Variants in ASXL3 observed in about 807,000 individuals in gnomAD.
The protein encoded by ASXL3 is putative Polycomb group protein ASXL3.
A neutral mutation model predicts 170.6 loss-of-function variants in ASXL3; 34 were observed. The observed-to-expected ratio is 0.20, with a 90% CI of 0.15 to 0.27. ASXL3 has a LOEUF of 0.27. Ranked by LOEUF, ASXL3 falls within the 10% of genes least tolerant of loss-of-function variation. ASXL3 has a pLI of 1.00. For missense variants in ASXL3, 2,592 were observed against 2,695.3 expected, an observed-to-expected ratio of 0.96 and a Z score of 0.85; for synonymous variants, 1,002 against 989.1, an observed-to-expected ratio of 1.01 and a Z score of -0.24.
rs2067760872 is a variant in ASXL3 at position 33,745,348 on chromosome 18, A to C, written c.5500A>C (p.Thr1834Pro). The change falls in exon 12 of 12, where the codon ACT becomes CCT. Residue 1834 changes from threonine to proline, a missense_variant. Physicochemically the swap from Thr to Pro is conservative, Grantham distance 38. This residue lies in a region of ASXL3 where 2,246 missense variants were observed against 2,219.6 expected (regional missense o/e 1.01). Coordinates refer to ENST00000269197, the MANE Select transcript of ASXL3 (RefSeq NM_030632.3). ...ENHPKKRVAR[T>P]VGEHTQVKCE... ...CCACCCCAAAAAGAGAGTAGCTAGGACTGTAGGAGAACACACTCAAGTTAA... is the reference window on the plus strand; with the variant it reads ...CCACCCCAAAAAGAGAGTAGCTAGGCCTGTAGGAGAACACACTCAAGTTAA... 6.2e-7 allele frequency: 1 copy of C among 1,613,838 alleles called. No homozygotes were observed. The highest frequency in any genetic ancestry group is 8.5e-7 in the Non-Finnish European group (1 of 1,179,886).
chr18:33,626,408 T>C (rs1443292268), intron 2 of ASXL3, among the ~76,000 whole-genome samples: 1 of 152,064 alleles, frequency 6.6e-6, no homozygotes, highest in African/African-American at 2.4e-5. Flanking sequence ...AAGGTGATGG[T>C]AGTTAGACTT....
Position 33,745,423 on chromosome 18 carries a change from T to C in ASXL3, c.5575T>C (p.Cys1859Arg), listed in dbSNP as rs754530553. ...GGAGCCAGATGTTAAAGGGGTGCCTTGTGTCATCAGTTCCGGCATCAGTCA... is the reference window on the plus strand; with the variant it reads ...GGAGCCAGATGTTAAAGGGGTGCCTCGTGTCATCAGTTCCGGCATCAGTCA... ...LVEPDVKGVP[C>R]VISSGISQLG... is the part of the protein sequence containing the mutation. The change falls in exon 12 of 12, where the codon TGT becomes CGT. Residue 1859 changes from cysteine (C) to arginine (R), a missense_variant. Cys to Arg is a radical substitution (Grantham distance 180). Transcript: ENST00000269197. 6.2e-7 allele frequency: 1 copy of C among 1,613,928 alleles called. No individual in the cohort carries two copies. The highest frequency in any genetic ancestry group is 8.5e-7 in the Non-Finnish European group (1 of 1,179,868).
chr18:33,585,619 G>T lies in ASXL3; in HGVS notation c.54+6934G>T, dbSNP rs1026921836. 2.0e-5 allele frequency among the ~76,000 whole-genome samples: 3 copies of T among 152,148 alleles called. No individual in the cohort carries two copies. In the East Asian group the frequency reaches 5.8e-4, roughly 29 times the overall value. On this transcript the variant is annotated intron_variant, in intron 1 of 11. Coordinates refer to ENST00000269197, the MANE Select transcript of ASXL3 (RefSeq NM_030632.3). ...ATATAGCCCTCTGACACATTCTTAC[G>T]TAGTTTTAAGGCAAATTTATGCCCT...
At chr18:33,588,525 A>G (rs759406893) in intron 1 of ASXL3, among the ~76,000 whole-genome samples, 10 of 152,106 alleles carry the variant, frequency 6.6e-5, no homozygotes, top group Non-Finnish European at 1.5e-4. Flanking sequence ...CACTAATATC[A>G]TCAGTAATAG....
Position 33,743,381 on chromosome 18 carries a change from C to T in ASXL3, c.3533C>T (p.Thr1178Ile), listed in dbSNP as rs1280741618. 54 of 1,613,240 alleles carry T rather than the reference C, an allele frequency of 3.3e-5. No homozygotes were observed. The highest frequency in any genetic ancestry group is 5.3e-5 in the African/African-American group (4 of 74,916). The part of the protein sequence containing the change: ...PSNKSAHLRE[T>I]TTVLQQSLNP... ...AACAAGTCTGCCCACCTCCGGGAGA[C>T]CACCACTGTACTACAGCAGTCTCTT... The change falls in exon 12 of 12, where the codon ACC (threonine) becomes ATC (isoleucine). Residue 1178 changes from threonine to isoleucine, a missense_variant. By Grantham distance (89) the Thr-to-Ile change is moderately conservative. Transcript: ENST00000269197.
At chr18:33,588,750 A>C (rs538747779) in intron 1 of ASXL3, among the ~76,000 whole-genome samples, 83 of 152,220 alleles carry the variant, frequency 5.5e-4, no homozygotes, top group African/African-American at 2.0e-3. Flanking sequence ...TCCTGTAGTG[A>C]AATATCTCCA....
chr18:33,719,797 ACAGGCCCT>A (rs1370776680), intron 8 of ASXL3, among the ~76,000 whole-genome samples: 1 of 151,952 alleles, frequency 6.6e-6, no homozygotes, highest in Non-Finnish European at 1.5e-5. Context: ...GAACCAAGAA[ACAGGCCCT>A]CCCCAGACAC....
intron 9 of ASXL3, among the ~76,000 whole-genome samples, chr18:33,733,460 C>T (rs1392370246): frequency 6.6e-6 from 1 of 152,148 alleles, no homozygotes; most frequent in East Asian, 1.9e-4. Context: ...TTGTACTTGA[C>T]CCCTCTTCAG....
intron 7 of ASXL3, among the ~76,000 whole-genome samples, chr18:33,676,385 A>G (rs2066431286): frequency 6.6e-6 from 1 of 152,028 alleles, no homozygotes. Flanking sequence ...GTTATGTATG[A>G]AAACTATGAT....
intron 2 of ASXL3, among the ~76,000 whole-genome samples, chr18:33,642,444 C>T (rs758455701): frequency 2.0e-5 from 3 of 151,724 alleles, no homozygotes; most frequent in East Asian, 1.9e-4. Context: ...GAATGAAACT[C>T]GTGTGCTTAA....
chr18:33,713,341 A>ACCCG (rs1555736903), intron 8 of ASXL3, among the ~76,000 whole-genome samples: 1 of 56,056 alleles, frequency 1.8e-5, no homozygotes, highest in African/African-American at 7.3e-5. Context: ...TGCAACCTCC[A>ACCCG]CCCCCCCCCG....
At chr18:33,606,958 A>C (rs556439691) in intron 1 of ASXL3, among the ~76,000 whole-genome samples, 1 of 152,024 alleles carries the variant, frequency 6.6e-6, no homozygotes, top group Non-Finnish European at 1.5e-5. Context: ...ACAAAAGATA[A>C]GTAGGGCAGA....
In ASXL3 at chr18:33,746,411, T is replaced by C. The variant is rs767517432; in HGVS notation, c.6563T>C (p.Leu2188Ser). ...LGSGSNPATG[L>S]SGQNAQMPVQ... is the part of the protein sequence containing the mutation. ...AGTGGCTCCAATCCTGCCACAGGCTTGTCTGGTCAGAACGCTCAGATGCCC... is the reference window on the plus strand; with the variant it reads ...AGTGGCTCCAATCCTGCCACAGGCTCGTCTGGTCAGAACGCTCAGATGCCC... Residue 2188 changes from leucine (L) to serine (S), a missense_variant, in exon 12 of 12, where the codon TTG becomes TCG. By Grantham distance (145) the Leu-to-Ser change is moderately radical. Transcript: ENST00000269197. 1.7e-5 allele frequency: 27 copies of C among 1,613,960 alleles called. No homozygotes were observed. The highest frequency in any genetic ancestry group is 5.5e-5 in the South Asian group (5 of 91,080).
chr18:33,590,489 A>T (rs1467774013), intron 1 of ASXL3, among the ~76,000 whole-genome samples: 1 of 152,166 alleles, frequency 6.6e-6, no homozygotes, highest in Non-Finnish European at 1.5e-5. Context: ...AAAACAAATT[A>T]TAAATGACAT....
chr18:33,720,742 AT>A (rs1054095235), intron 8 of ASXL3, among the ~76,000 whole-genome samples: 2 of 151,898 alleles, frequency 1.3e-5, no homozygotes, highest in Non-Finnish European at 2.9e-5. Context: ...CAAAGGCTTT[AT>A]TTTTGCCTTT....
chr18:33,682,070 A>C (rs2066524141), intron 7 of ASXL3, among the ~76,000 whole-genome samples: 1 of 152,170 alleles, frequency 6.6e-6, no homozygotes, highest in African/African-American at 2.4e-5. Context: ...GTCTTTAGTT[A>C]TTTAAAACAA....
chr18:33,683,358 T>G (rs1373427408), intron 7 of ASXL3, 47 bp from the exon 8 acceptor site: 1 of 1,545,530 alleles, frequency 6.5e-7, no homozygotes, highest in Non-Finnish European at 8.8e-7. Context: ...ACGTACACGT[T>G]TCCCTCTACC....
intron 7 of ASXL3, among the ~76,000 whole-genome samples, chr18:33,681,450 A>G (rs2066513646): frequency 6.6e-6 from 1 of 152,120 alleles, no homozygotes; most frequent in Admixed American, 6.5e-5. Context: ...TTTTTTAGAG[A>G]CATAGTTACA....
At chr18:33,663,865 A>G (rs2066216465) in intron 5 of ASXL3, among the ~76,000 whole-genome samples, 1 of 152,132 alleles carries the variant, frequency 6.6e-6, no homozygotes, top group Non-Finnish European at 1.5e-5. Context: ...CAGCAAATCT[A>G]CAGCTTTCTT....
Sources: gnomAD v4.1 joint callset for allele counts (sites outside exome capture counted in the v4.1 genomes callset) on GRCh38, gnomAD v4.1.1 for gene constraint, gnomAD v4.1.1 regional missense constraint, MANE v1.5 for transcripts, NCBI Gene and HGNC (gene_info 2026-07-23, HGNC 2026-07-21) for gene names.